The following ADCY4 variants were observed in gnomAD, a reference collection of about 807,000 sequenced individuals.
ADCY4 encodes the protein adenylate cyclase 4.
In ADCY4, 111 loss-of-function variants were observed where a neutral mutation model predicts 125.5. The ratio of observed to expected loss-of-function variants is 0.88; its 90% CI spans 0.76 to 1.04. ADCY4 has a LOEUF of 1.04. Among genes scored for constraint, ADCY4 ranks in the 50% least tolerant of loss-of-function variants. ADCY4 has a pLI of 0.00. For synonymous variants in ADCY4, 576 were observed against 586.9 expected (o/e 0.98, Z 0.27); for missense variants, 1,256 against 1,382.9 (o/e 0.91, Z 1.46).
Position 24,318,657 on chromosome 14 carries a change from G to C in ADCY4, c.3078C>G (p.Ile1026Met), listed in dbSNP as rs770030440. ...RMESTGVLGKIQVTEETAWAL... is the reference protein window; with the variant it reads ...RMESTGVLGKMQVTEETAWAL... ...GCCTCCAATGTGGTTCCCTCACTTG[G>C]ATTTTGCCAAGGACTCCTGTACTCT... The change falls in exon 24 of 25, where the codon ATC (isoleucine) becomes ATG (methionine). Residue 1026 changes from isoleucine (I) to methionine (M), a missense_variant. By Grantham distance (10) the Ile-to-Met change is conservative. Transcript: ENST00000418030. 1.2e-6 allele frequency: 2 copies of C among 1,614,146 alleles called. No homozygotes were observed. Among genetic ancestry groups the C allele is most frequent in the Non-Finnish European group, 1.7e-6 (2 of 1,180,006 alleles).
chr14:24,324,528 TG>T, intron 14 of ADCY4, 137 bp from the exon 15 acceptor site: 2 of 968,996 alleles, frequency 2.1e-6, no homozygotes, highest in African/African-American at 1.6e-5. Flanking sequence ...GGGTCCCGGC[TG>T]ATAGAAGACA....
chr14:24,322,783 C>T, intron 18 of ADCY4, 75 bp from the exon 19 acceptor site: 1 of 1,559,688 alleles, frequency 6.4e-7, no homozygotes, highest in African/African-American at 1.4e-5. Flanking sequence ...ATGTAGGCCT[C>T]CGCTTCCCTC....
chr14:24,327,128 C>T (rs934924673), intron 10 of ADCY4, among the ~76,000 whole-genome samples: 4 of 151,998 alleles, frequency 2.6e-5, no homozygotes. Flanking sequence ...AACTACTGAC[C>T]TCAAGCTATC....
At chr14:24,330,932 T>G in intron 6 of ADCY4, 86 bp downstream of exon 6, 2 of 1,255,738 alleles carry the variant, frequency 1.6e-6, no homozygotes, top group Non-Finnish European at 2.2e-6. Context: ...GCCTGGGATC[T>G]TATAAGGTGG....
Position 24,322,683 on chromosome 14 carries a change from G to A in ADCY4, c.2368C>T (p.Leu790=). ...SRPGVLKEPK[L]MGAISFFIFF... is the part of the protein sequence containing the mutation. ...ATGAAGAAGGAGATAGCACCCATCAGTTTGGGCTCCTTCAGCACTCCGGGC... is the reference window on the plus strand; with the variant it reads ...ATGAAGAAGGAGATAGCACCCATCAATTTGGGCTCCTTCAGCACTCCGGGC... The change falls in exon 19 of 25, where the codon CTG becomes TTG. Residue 790 remains leucine, a synonymous_variant. Coordinates refer to ENST00000418030, the MANE Select transcript of ADCY4 (RefSeq NM_001198568.2). 6.2e-7 allele frequency: 1 copy of A among 1,614,174 alleles called. No homozygotes were observed.
chr14:24,333,998 G>T (rs2139230923), intron 1 of ADCY4, among the ~76,000 whole-genome samples: 1 of 152,322 alleles, frequency 6.6e-6, no homozygotes, highest in South Asian at 2.1e-4. Flanking sequence ...GAAAACCAGG[G>T]GCAGGCCATT....
At chr14:24,327,864 AAAATATAAAACAAGAATTGTTATACC>A (rs1338611469) in intron 10 of ADCY4, among the ~76,000 whole-genome samples, 3 of 152,230 alleles carry the variant, frequency 2.0e-5, no homozygotes, top group Admixed American at 1.3e-4. Context: ...CCAGTATAAT[AAAATATAAAACAAGAATTGTTATACC>A]AGATATAGAT....
intron 14 of ADCY4, 117 bp from the exon 15 acceptor site, chr14:24,324,508 GC>G: frequency 8.3e-7 from 1 of 1,204,200 alleles, no homozygotes. Context: ...ATCTGGGTTG[GC>G]TGGCGATGGG....
intron 14 of ADCY4, 133 bp from the exon 15 acceptor site, chr14:24,324,524 C>G: frequency 4.0e-6 from 4 of 999,676 alleles, no homozygotes; most frequent in Non-Finnish European, 6.0e-6. Context: ...GATGGGGTCC[C>G]GGCTGATAGA....
At chr14:24,323,914 C>G (rs1321193349) in intron 16 of ADCY4, 148 bp downstream of exon 16, 3 of 1,168,456 alleles carry the variant, frequency 2.6e-6, no homozygotes, top group Non-Finnish European at 3.5e-6. Flanking sequence ...TTGCTGGAGA[C>G]TGTAATTTTT....
Position 24,318,546 on chromosome 14 carries a change from G to A in ADCY4, c.3104C>T (p.Ala1035Val), listed in dbSNP as rs367908046. 21 of 1,614,076 alleles carry A rather than the reference G, an allele frequency of 1.3e-5. No homozygotes were observed. Among genetic ancestry groups the A allele is most frequent in the Admixed American group, 1.7e-5 (1 of 60,004 alleles). The change falls in exon 25 of 25, where the codon GCC becomes GTC. Residue 1035 changes from alanine to valine, a missense_variant. By Grantham distance (64) the Ala-to-Val change is moderately conservative. Coordinates refer to ENST00000418030, the MANE Select transcript of ADCY4 (RefSeq NM_001198568.2). Reference protein sequence around the residue: ...KIQVTEETAWALQSLGYTCYS... With the variant: ...KIQVTEETAWVLQSLGYTCYS... The stretch of plus-strand genomic sequence containing the variant: ...GCAGGTGTAGCCCAGGGACTGTAGG[G>A]CCCATGCTGTCTCCTCAGTCACCTA...
At chr14:24,334,082 G>C (rs78790576) in intron 1 of ADCY4, among the ~76,000 whole-genome samples, 4,135 of 152,330 alleles carry the variant, frequency 0.027, 151 homozygotes, top group East Asian at 0.16. Flanking sequence ...GACTCAGTGA[G>C]AGCCCGGTGG....
intron 14 of ADCY4, 122 bp from the exon 15 acceptor site, chr14:24,324,513 C>T (rs941464173): frequency 2.4e-5 from 27 of 1,121,448 alleles, no homozygotes; most frequent in South Asian, 2.8e-5. Context: ...GGTTGGCTGG[C>T]GATGGGGTCC....
intron 10 of ADCY4, 121 bp downstream of exon 10, chr14:24,328,940 G>T: frequency 7.9e-7 from 1 of 1,273,622 alleles, no homozygotes; most frequent in Non-Finnish European, 1.1e-6. Flanking sequence ...GGGACTTTGG[G>T]ATGTCACAAA....
rs757058150 is a variant in ADCY4 at position 24,329,957 on chromosome 14, C to T, written c.1120G>A (p.Val374Ile). ...NMRVGVHSGS[V>I]LCGVIGLQKW... ...TGCAGCCCGATGACTCCACACAGTACGCTGCCTGAGTGCACGCCCACACGC... is the reference window on the plus strand; with the variant it reads ...TGCAGCCCGATGACTCCACACAGTATGCTGCCTGAGTGCACGCCCACACGC... The change falls in exon 8 of 25, where the codon GTA (valine) becomes ATA (isoleucine). Residue 374 changes from valine to isoleucine, a missense_variant. Physicochemically the swap from Val to Ile is conservative, Grantham distance 29. Transcript: ENST00000418030. 16 of 1,614,018 alleles carry T rather than the reference C, an allele frequency of 9.9e-6. No homozygotes were observed. The highest frequency in any genetic ancestry group is 2.7e-5 in the African/African-American group (2 of 74,898).
rs1206167313 is a variant in ADCY4, at chr14:24,325,834, T to G, written c.1709A>C (p.Lys570Thr). ...ACAGCCCACCTCTTTCTCCATCTCC[T>G]TCTCTCTGAAGTACAGTGTCAGTGG... ...FNPLTLYFRE[K>T]EMEKEYRLSA... The change falls in exon 13 of 25, where the codon AAG (lysine) becomes ACG (threonine). Residue 570 changes from lysine (K) to threonine (T), a missense_variant. Coordinates refer to ENST00000418030, the MANE Select transcript of ADCY4 (RefSeq NM_001198568.2). 1 of 1,597,900 alleles carries G rather than the reference T, an allele frequency of 6.3e-7. No homozygotes were observed. The highest frequency in any genetic ancestry group is 8.5e-7 in the Non-Finnish European group (1 of 1,170,448).
At chr14:24,330,853 G>T (rs2042030055) in intron 6 of ADCY4, 165 bp downstream of exon 6, 1 of 626,826 alleles carries the variant, frequency 1.6e-6, no homozygotes, top group East Asian at 2.8e-5. Context: ...GCAGCTTCAT[G>T]ACTGGGAATG....
chr14:24,334,892 G>T lies in ADCY4; in HGVS notation c.-240C>A. 2.0e-6 allele frequency: 1 copy of T among 495,076 alleles called. No homozygotes were observed. Among genetic ancestry groups the T allele is most frequent in the Non-Finnish European group, 3.5e-6 (1 of 282,468 alleles). The allele number at this position is 495,076 out of a possible 1,614,324, so 30.7% of individuals were successfully genotyped here. On this transcript the variant is annotated 5_prime_UTR_variant, in exon 1 of 25. Transcript: ENST00000418030. ...CCTCCTCCTCCCTCAAACCCGGATT[G>T]TAGAGGTGCCCTAGAAAAGCCTCAT...
chr14:24,326,805 G>C (rs1009304896), intron 10 of ADCY4, among the ~76,000 whole-genome samples: 4 of 151,878 alleles, frequency 2.6e-5, no homozygotes, highest in African/African-American at 9.7e-5. Flanking sequence ...TGTTGGTCAG[G>C]CTGGTCTCAA....
Sources: gnomAD v4.1 joint callset for allele counts (sites outside exome capture counted in the v4.1 genomes callset) on GRCh38, gnomAD v4.1.1 for gene constraint, MANE v1.5 for transcripts, NCBI Gene and HGNC (gene_info 2026-07-23, HGNC 2026-07-21) for gene names.